NCKAP5: variants seen among roughly 807,000 people sequenced by gnomAD.
The protein encoded by NCKAP5 is NCK associated protein 5.
Under a neutral mutation model 167.0 loss-of-function variants are expected in NCKAP5, and 92 were observed. The ratio of observed to expected loss-of-function variants is 0.55; its 90% CI spans 0.47 to 0.66. The LOEUF is 0.66. Ranked by LOEUF, NCKAP5 falls within the 30% of genes least tolerant of loss-of-function variation. The probability of loss-of-function intolerance (pLI) is 0.00; values close to 1 mark genes in which losing one functional copy is unlikely to be tolerated. For missense variants in NCKAP5, 2,378 were observed against 2,315.0 expected, an observed-to-expected ratio of 1.03 and a Z score of -0.56; for synonymous variants, 891 against 877.4, an observed-to-expected ratio of 1.02 and a Z score of -0.27.
intron 4 of NCKAP5, among the ~76,000 whole-genome samples, chr2:133,217,056 T>G (rs1158946429): frequency 6.6e-6 from 1 of 152,144 alleles, no homozygotes; most frequent in Non-Finnish European, 1.5e-5. Context: ...CAGCATCAAA[T>G]GACTCATTGC....
intron 5 of NCKAP5, among the ~76,000 whole-genome samples, chr2:133,185,430 C>G (rs373066626): frequency 1.3e-5 from 2 of 151,870 alleles, no homozygotes; most frequent in African/African-American, 4.8e-5. Context: ...CTCCAGAATT[C>G]TTTGACTATT....
At chr2:133,608,392 T>C in the NCKAP5 span, among the ~76,000 whole-genome samples, 1 of 152,218 alleles carries the variant, frequency 6.6e-6, no homozygotes, top group African/African-American at 2.4e-5. Context: ...CTGTATATAC[T>C]ACAGTCCTGA....
At position 132,773,827 on chromosome 2, in the gene NCKAP5, C is replaced by T. The variant is rs747935901; in HGVS notation, c.5117G>A (p.Ser1706Asn). 7 of 1,609,952 alleles carry T rather than the reference C, an allele frequency of 4.3e-6. No homozygotes were observed. The highest frequency in any genetic ancestry group is 5.9e-6 in the Non-Finnish European group (7 of 1,178,526). ...DDAVADSVFQ[S>N]HIIESNCQMR... ...ATGTGAATTTTTACCTATGATGTGG[C>T]TCTGAAATACAGAATCTGCAACTGC... Residue 1706 changes from serine to asparagine, a missense_variant, in exon 16 of 20, where the codon AGC (serine) becomes AAC (asparagine). Transcript: ENST00000409261.
chr2:132,859,369 A>G (rs527333636), intron 11 of NCKAP5, among the ~76,000 whole-genome samples: 3 of 152,312 alleles, frequency 2.0e-5, no homozygotes, highest in African/African-American at 7.2e-5. Flanking sequence ...AGGGTAAATT[A>G]GCAACACAGT....
chr2:133,637,997 A>T, the NCKAP5 span, among the ~76,000 whole-genome samples: 1 of 152,236 alleles, frequency 6.6e-6, no homozygotes, highest in Non-Finnish European at 1.5e-5. Flanking sequence ...AAAAATATAT[A>T]GGTTAGAATG....
chr2:133,178,976 C>A (rs963906786), intron 5 of NCKAP5, among the ~76,000 whole-genome samples: 1 of 151,866 alleles, frequency 6.6e-6, no homozygotes, highest in Non-Finnish European at 1.5e-5. Context: ...AACCAGCCTG[C>A]GTAACATAGG....
chr2:133,381,259 C>T (rs1322530492), intron 3 of NCKAP5, among the ~76,000 whole-genome samples: 2 of 152,086 alleles, frequency 1.3e-5, no homozygotes, highest in African/African-American at 2.4e-5. Context: ...CTCATCCCAC[C>T]CAAGATGCTG....
intron 7 of NCKAP5, among the ~76,000 whole-genome samples, chr2:132,968,618 G>C (rs191934422): frequency 6.6e-6 from 1 of 152,272 alleles, no homozygotes; most frequent in East Asian, 1.9e-4. Context: ...AGTGGTAGCA[G>C]AAATGACAAG....
chr2:133,171,324 G>C (rs1440946997), intron 5 of NCKAP5, among the ~76,000 whole-genome samples: 3 of 152,182 alleles, frequency 2.0e-5, no homozygotes, highest in African/African-American at 7.2e-5. Context: ...CAACTGAGTA[G>C]AAACGTGGTC....
intron 11 of NCKAP5, among the ~76,000 whole-genome samples, chr2:132,834,536 G>A (rs1003011504): frequency 2.6e-5 from 4 of 152,068 alleles, no homozygotes; most frequent in African/African-American, 7.2e-5. Flanking sequence ...TAGTAGAGAC[G>A]GGGTTTCACT....
At chr2:133,066,134 T>A (rs755090019) in intron 6 of NCKAP5, among the ~76,000 whole-genome samples, 1 of 152,218 alleles carries the variant, frequency 6.6e-6, no homozygotes, top group Non-Finnish European at 1.5e-5. Flanking sequence ...AATTGATGGC[T>A]AGAAAATTTA....
the NCKAP5 span, among the ~76,000 whole-genome samples, chr2:133,672,255 G>C: frequency 6.6e-6 from 1 of 152,178 alleles, no homozygotes; most frequent in East Asian, 1.9e-4. Flanking sequence ...ACTCATAAGA[G>C]AGGAGAGCAT....
At chr2:133,345,786 T>C (rs778988171) in intron 3 of NCKAP5, among the ~76,000 whole-genome samples, 45 of 151,830 alleles carry the variant, frequency 3.0e-4, no homozygotes, top group Non-Finnish European at 3.8e-4. Flanking sequence ...GGAGATGGAG[T>C]AACGCAAAAG....
the NCKAP5 span, among the ~76,000 whole-genome samples, chr2:133,579,782 A>C: frequency 6.6e-6 from 1 of 152,300 alleles, no homozygotes. Flanking sequence ...TTTTCCTTAA[A>C]TAAGGAAATC....
At chr2:132,989,708 T>C (rs993891033) in intron 7 of NCKAP5, among the ~76,000 whole-genome samples, 1 of 152,208 alleles carries the variant, frequency 6.6e-6, no homozygotes, top group African/African-American at 2.4e-5. Context: ...TTTTAGACTG[T>C]GCCTACTTTC....
chr2:133,089,164 A>T (rs2081090304), intron 6 of NCKAP5, among the ~76,000 whole-genome samples: 2 of 152,312 alleles, frequency 1.3e-5, no homozygotes, highest in African/African-American at 4.8e-5. Flanking sequence ...TAGAAAATGT[A>T]TCTCTCATCT....
chr2:133,338,851 A>C (rs1319445504), intron 3 of NCKAP5, among the ~76,000 whole-genome samples: 1 of 151,916 alleles, frequency 6.6e-6, no homozygotes, highest in Non-Finnish European at 1.5e-5. Context: ...CTCCAAAAAA[A>C]ACAAAAACAA....
chr2:132,822,510 G>GAGC (rs1379898968), intron 11 of NCKAP5, among the ~76,000 whole-genome samples: 1 of 152,196 alleles, frequency 6.6e-6, no homozygotes, highest in Non-Finnish European at 1.5e-5. Context: ...GGTAAGGGGA[G>GAGC]AGCACATCAA....
At chr2:133,553,852 A>T (rs2104975387) in intron 2 of NCKAP5, among the ~76,000 whole-genome samples, 1 of 152,368 alleles carries the variant, frequency 6.6e-6, no homozygotes. Flanking sequence ...ACAAGTTACC[A>T]CAAATTTAGT....
Sources: allele counts gnomAD v4.1 joint callset (sites outside exome capture counted in the v4.1 genomes callset), GRCh38; gene constraint gnomAD v4.1.1; transcripts MANE v1.5; gene names NCBI Gene and HGNC (gene_info 2026-07-23, HGNC 2026-07-21).